GALNT7: variants seen among roughly 807,000 people sequenced by gnomAD.
The protein encoded by GALNT7 is polypeptide N-acetylgalactosaminyltransferase 7, also known as N-acetylgalactosaminyltransferase 7.
In GALNT7, 60 loss-of-function variants were observed where a neutral mutation model predicts 82.1. The observed-to-expected ratio is 0.73, with a 90% CI of 0.59 to 0.91. The LOEUF (loss-of-function observed/expected upper bound fraction) is 0.91, where lower values mean the gene tolerates loss of function less well. GALNT7 is among the 40% of genes least tolerant of loss of function. GALNT7 has a pLI of 0.00. For missense variants in GALNT7, 660 were observed against 804.2 expected, an observed-to-expected ratio of 0.82 and a Z score of 2.17; for synonymous variants, 243 against 275.1, an observed-to-expected ratio of 0.88 and a Z score of 1.15.
rs1736955328 is a variant in GALNT7 at position 173,301,906 on chromosome 4, T to G, written c.1149-141T>G. ...GATTTTTTTCTTTTTTTGTAAAGGC[T>G]TTATAATTTCTTAATGTTTGGCCAT... On this transcript the variant is annotated intron_variant, in intron 6 of 11. Transcript: ENST00000265000. 4 of 584,244 alleles carry G rather than the reference T, an allele frequency of 6.8e-6. No individual in the cohort carries two copies. The South Asian group carries it at 1.1e-4, about 16-fold the overall frequency. The allele number at this position is 584,244 out of a possible 1,614,324, so 36.2% of individuals were successfully genotyped here. A position where few individuals can be genotyped will look rare whatever the true frequency, so the allele number is the denominator to read the frequency against.
At chr4:173,171,957 A>G (rs1009227087) in intron 1 of GALNT7, among the ~76,000 whole-genome samples, 9 of 152,232 alleles carry the variant, frequency 5.9e-5, no homozygotes, top group African/African-American at 1.2e-4. Flanking sequence ...AGAAATGACT[A>G]TTAGCAGTAG....
At chr4:173,229,194 A>G (rs193236065) in intron 1 of GALNT7, among the ~76,000 whole-genome samples, 3 of 152,304 alleles carry the variant, frequency 2.0e-5, no homozygotes, top group African/African-American at 7.2e-5. Flanking sequence ...TGAGATGAGT[A>G]TATCATTTCC....
intron 8 of GALNT7, among the ~76,000 whole-genome samples, chr4:173,304,487 A>G (rs1170345694): frequency 6.6e-6 from 1 of 151,942 alleles, no homozygotes; most frequent in Non-Finnish European, 1.5e-5. Flanking sequence ...TGATATATGT[A>G]TACATTGTGG....
chr4:173,288,806 A>G (rs1277345309), intron 2 of GALNT7, among the ~76,000 whole-genome samples: 1 of 151,922 alleles, frequency 6.6e-6, no homozygotes, highest in African/African-American at 2.4e-5. Context: ...ATTTAAACTG[A>G]TCTTGAATTT....
intron 1 of GALNT7, among the ~76,000 whole-genome samples, chr4:173,204,382 T>G (rs1386521386): frequency 1.3e-5 from 2 of 152,230 alleles, no homozygotes; most frequent in Non-Finnish European, 2.9e-5. Context: ...TTTCCCTAGA[T>G]TTGGAAAGTT....
intron 2 of GALNT7, among the ~76,000 whole-genome samples, chr4:173,252,240 C>T (rs1418962407): frequency 6.6e-6 from 1 of 152,236 alleles, no homozygotes. Flanking sequence ...TCCTCATCCT[C>T]ATCCCTCATG....
chr4:173,298,911 A>G (rs1008349243), intron 6 of GALNT7, among the ~76,000 whole-genome samples: 2 of 152,264 alleles, frequency 1.3e-5, no homozygotes, highest in Non-Finnish European at 2.9e-5. Flanking sequence ...AGAAAACTCT[A>G]TTCAAAAATC....
intron 2 of GALNT7, among the ~76,000 whole-genome samples, chr4:173,284,899 A>G (rs1736265159): frequency 6.6e-6 from 1 of 152,198 alleles, no homozygotes; most frequent in Non-Finnish European, 1.5e-5. Context: ...ATTTTTACAT[A>G]CATTTTTTTG....
rs759020887 is a variant in GALNT7, at chr4:173,321,569, G to T, written c.1837-11G>T. The T allele has an allele frequency of 1.9e-6, 3 of 1,605,880 alleles. No homozygotes were observed. The East Asian group carries it at 6.7e-5, about 36-fold the overall frequency. Reference sequence around the variant, plus strand: ...CCAAATTTGAAACTTTTTTCTTACTGTGTTTTCCAGAACCTGCACAGATTT... The same window carrying T: ...CCAAATTTGAAACTTTTTTCTTACTTTGTTTTCCAGAACCTGCACAGATTT... On this transcript the variant is annotated splice_polypyrimidine_tract_variant and intron_variant, in intron 11 of 11. Coordinates refer to ENST00000265000, the MANE Select transcript of GALNT7 (RefSeq NM_017423.3).
At chr4:173,284,428 A>G (rs1002858431) in intron 2 of GALNT7, among the ~76,000 whole-genome samples, 3 of 152,208 alleles carry the variant, frequency 2.0e-5, no homozygotes. Context: ...ATCCCATACA[A>G]TTTTGGACAT....
chr4:173,261,535 A>G (rs1735263183), intron 2 of GALNT7, among the ~76,000 whole-genome samples: 1 of 152,138 alleles, frequency 6.6e-6, no homozygotes, highest in African/African-American at 2.4e-5. Flanking sequence ...AGATAGCTAC[A>G]GCTGGGCATG....
chr4:173,215,412 G>A (rs1303913102), intron 1 of GALNT7, among the ~76,000 whole-genome samples: 2 of 151,856 alleles, frequency 1.3e-5, no homozygotes, highest in South Asian at 2.1e-4. Context: ...TGTATTTTTA[G>A]TAGAGACGGG....
rs570589840 is a variant in GALNT7, at chr4:173,320,983, G to A, written c.1837-597G>A. On this transcript the variant is annotated intron_variant, in intron 11 of 11. Coordinates refer to ENST00000265000, the MANE Select transcript of GALNT7 (RefSeq NM_017423.3). This position sits in a 1 kb window ranked among gnomAD's most constrained non-coding sequence, Gnocchi z 4.1. ...TACTCACCATTGCTTTTGCACTATC[G>A]GTATAAATGTTGCTAAAGTGAAAAG... Among the ~76,000 whole-genome samples the A allele has an allele frequency of 2.0e-5, 3 of 152,164 alleles. No homozygotes were observed. The highest frequency in any genetic ancestry group is 2.1e-4 in the South Asian group (1 of 4,816).
At chr4:173,247,911 G>A (rs954484272) in intron 1 of GALNT7, 69 bp from the exon 2 acceptor site, 12 of 954,354 alleles carry the variant, frequency 1.3e-5, no homozygotes, top group Admixed American at 1.2e-4. Context: ...CCTGAAAATT[G>A]GTCTCATGAG....
chr4:173,318,649 C>A, intron 11 of GALNT7, 90 bp downstream of exon 11: 1 of 855,352 alleles, frequency 1.2e-6, no homozygotes. Flanking sequence ...AATCTTAAAA[C>A]CTGCATTCAA....
intron 1 of GALNT7, among the ~76,000 whole-genome samples, chr4:173,220,010 A>G (rs370196112): frequency 1.7e-4 from 26 of 152,114 alleles, no homozygotes; most frequent in African/African-American, 6.0e-4. Flanking sequence ...AGTCCTGTGT[A>G]TTTATCTTTG....
At chr4:173,266,276 A>G (rs1239105378) in intron 2 of GALNT7, among the ~76,000 whole-genome samples, 1 of 152,216 alleles carries the variant, frequency 6.6e-6, no homozygotes, top group Non-Finnish European at 1.5e-5. Flanking sequence ...GAAAAAGAAA[A>G]AGAAAAGAAA....
At chr4:173,273,165 C>T (rs963601148) in intron 2 of GALNT7, among the ~76,000 whole-genome samples, 1 of 152,150 alleles carries the variant, frequency 6.6e-6, no homozygotes, top group Admixed American at 6.5e-5. Flanking sequence ...GTCATTTCCT[C>T]ATTGTAATTA....
rs188744494 is a variant in GALNT7, at chr4:173,310,828, C to A, written c.1390-3130C>A. ...TCAGCTCACTGCAACCTCTGCCTCC[C>A]AGATTCAAGAGATTCTCTTGCCTCA... On this transcript the variant is annotated intron_variant, in intron 8 of 11. Coordinates refer to ENST00000265000, the MANE Select transcript of GALNT7 (RefSeq NM_017423.3). Among the ~76,000 whole-genome samples the A allele has an allele frequency of 3.7e-3, 563 of 152,232 alleles. 4 individuals carry two copies. Among genetic ancestry groups the A allele is most frequent in the African/African-American group, 0.013 (544 of 41,544 alleles).
Sources: gnomAD v4.1 joint callset for allele counts (sites outside exome capture counted in the v4.1 genomes callset) on GRCh38, gnomAD v4.1.1 for gene constraint, Gnocchi (gnomAD v3.1) non-coding constraint, MANE v1.5 for transcripts, NCBI Gene and HGNC (gene_info 2026-07-23, HGNC 2026-07-21) for gene names.